CDH13: variants seen among roughly 807,000 people sequenced by gnomAD.
The protein encoded by CDH13 is cadherin-13.
A neutral mutation model predicts 63.8 loss-of-function variants in CDH13; 24 were observed. The ratio of observed to expected loss-of-function variants is 0.38; its 90% CI spans 0.27 to 0.53. The LOEUF is 0.53. Among genes scored for constraint, CDH13 ranks in the 20% least tolerant of loss-of-function variants. CDH13 has a pLI of 0.85. For missense variants in CDH13, 1,049 were observed against 903.1 expected (o/e 1.16, Z -2.07); for synonymous variants, 503 against 355.3 (o/e 1.42, Z -4.67).
intron 5 of CDH13, among the ~76,000 whole-genome samples, chr16:83,261,277 A>T (rs1376320499): frequency 6.6e-6 from 1 of 151,908 alleles, no homozygotes; most frequent in Non-Finnish European, 1.5e-5. Context: ...CTAAACACCA[A>T]CTCTGTGGAA....
In CDH13 at chr16:83,024,333, C is replaced by T. The variant is rs1488954178; in HGVS notation, c.158-7677C>T. Among the ~76,000 whole-genome samples the T allele has an allele frequency of 4.6e-5, 7 of 152,074 alleles. No homozygotes were observed. The East Asian group carries it at 7.7e-4, about 17-fold the overall frequency. ...TATTCAACAGGTATTATAAATACTA[C>T]ATTCAAATAATTTTATAATTTAAAG... On this transcript the variant is annotated intron_variant, in intron 2 of 13. Transcript: ENST00000567109.
intron 5 of CDH13, among the ~76,000 whole-genome samples, chr16:83,291,518 T>A (rs1360460066): frequency 6.6e-6 from 1 of 152,100 alleles, no homozygotes; most frequent in African/African-American, 2.4e-5. Flanking sequence ...ATATTAGAAG[T>A]CCTCAGAATA....
At chr16:83,106,340 C>G (rs905219960) in intron 3 of CDH13, among the ~76,000 whole-genome samples, 1 of 152,086 alleles carries the variant, frequency 6.6e-6, no homozygotes, top group African/African-American at 2.4e-5. Flanking sequence ...GAGTTCGAGA[C>G]GAGCCTGGCC....
chr16:83,607,408 G>C (rs1302996452), intron 8 of CDH13, among the ~76,000 whole-genome samples: 1 of 151,916 alleles, frequency 6.6e-6, no homozygotes, highest in Non-Finnish European at 1.5e-5. Context: ...GACAGAGCAA[G>C]ACTCGGTCTC....
chr16:82,885,440 C>CA (rs2040851930), intron 2 of CDH13, among the ~76,000 whole-genome samples: 1 of 92,038 alleles, frequency 1.1e-5, no homozygotes, highest in Non-Finnish European at 2.1e-5. Flanking sequence ...CCCACCCCCC[C>CA]ACCCACTCAT....
intron 5 of CDH13, among the ~76,000 whole-genome samples, chr16:83,324,040 C>CTTT (rs200015057): frequency 7.1e-6 from 1 of 141,354 alleles, no homozygotes. Flanking sequence ...TCTTCTTCTT[C>CTTT]TTTTTTTTTT....
intron 1 of CDH13, among the ~76,000 whole-genome samples, chr16:82,814,925 G>C (rs1417039088): frequency 3.3e-5 from 5 of 152,146 alleles, no homozygotes; most frequent in Non-Finnish European, 4.4e-5. Context: ...GTCCACTGAA[G>C]AATGGCTTGA....
At chr16:83,127,559 G>A (rs1449511863) in intron 4 of CDH13, among the ~76,000 whole-genome samples, 6 of 152,128 alleles carry the variant, frequency 3.9e-5, no homozygotes, top group East Asian at 3.9e-4. Context: ...GCGAAACCCC[G>A]TCTCAACTAA....
At chr16:82,648,700 G>A (rs868854795) in intron 1 of CDH13, among the ~76,000 whole-genome samples, 1 of 152,114 alleles carries the variant, frequency 6.6e-6, no homozygotes, top group South Asian at 2.1e-4. Flanking sequence ...TGGTTTACAA[G>A]TCTCCATTGA....
At chr16:82,991,918 A>G (rs1911705097) in intron 2 of CDH13, among the ~76,000 whole-genome samples, 1 of 152,142 alleles carries the variant, frequency 6.6e-6, no homozygotes, top group Non-Finnish European at 1.5e-5. Context: ...ATTTACCAGA[A>G]CTTTTTCCAT....
At chr16:83,141,278 C>T (rs769320180) in intron 4 of CDH13, among the ~76,000 whole-genome samples, 2 of 152,164 alleles carry the variant, frequency 1.3e-5, no homozygotes, top group African/African-American at 2.4e-5. Flanking sequence ...TACTCCCTCA[C>T]TCTGGTGCCC....
At chr16:83,201,339 G>A (rs1049244738) in intron 4 of CDH13, among the ~76,000 whole-genome samples, 2 of 151,770 alleles carry the variant, frequency 1.3e-5, no homozygotes, top group Non-Finnish European at 2.9e-5. Flanking sequence ...AAGTATGTCA[G>A]GTACTGAGGG....
intron 8 of CDH13, among the ~76,000 whole-genome samples, chr16:83,648,627 C>T (rs1031014840): frequency 2.0e-5 from 3 of 152,138 alleles, no homozygotes; most frequent in African/African-American, 7.2e-5. Flanking sequence ...TCTACTGACA[C>T]CGACCCCCTG....
chr16:82,672,161 G>A, intron 1 of CDH13, among the ~76,000 whole-genome samples: 1 of 152,122 alleles, frequency 6.6e-6, no homozygotes, highest in East Asian at 1.9e-4. Flanking sequence ...TTTGAGCAAG[G>A]TATACCTCTT....
chr16:83,620,575 G>T (rs1797169762), intron 8 of CDH13, among the ~76,000 whole-genome samples: 1 of 152,120 alleles, frequency 6.6e-6, no homozygotes, highest in South Asian at 2.1e-4. Context: ...ACCACAGGCA[G>T]CCAACATGAG....
chr16:83,512,582 C>A (rs1167620576), intron 7 of CDH13, among the ~76,000 whole-genome samples: 1 of 150,716 alleles, frequency 6.6e-6, no homozygotes, highest in Admixed American at 6.6e-5. Context: ...ACAGAAGAAT[C>A]ATTTGAACCC....
At chr16:82,729,617 T>C (rs1447822107) in intron 1 of CDH13, among the ~76,000 whole-genome samples, 1 of 152,112 alleles carries the variant, frequency 6.6e-6, no homozygotes, top group Non-Finnish European at 1.5e-5. Flanking sequence ...TTAGGATGAT[T>C]ATTTAGGGCC....
At chr16:82,835,630 C>T (rs961103534) in intron 1 of CDH13, among the ~76,000 whole-genome samples, 5 of 152,150 alleles carry the variant, frequency 3.3e-5, no homozygotes, top group African/African-American at 9.7e-5. Context: ...GTCCTATGCT[C>T]CCAGCTTATG....
chr16:82,957,330 G>A (rs756531329), intron 2 of CDH13, among the ~76,000 whole-genome samples: 1 of 152,184 alleles, frequency 6.6e-6, no homozygotes, highest in Non-Finnish European at 1.5e-5. Flanking sequence ...AAACTAATCC[G>A]AAGAAATAAG....
Sources: gnomAD v4.1 joint callset for allele counts (sites outside exome capture counted in the v4.1 genomes callset) on GRCh38, gnomAD v4.1.1 for gene constraint, MANE v1.5 for transcripts, NCBI Gene and HGNC (gene_info 2026-07-23, HGNC 2026-07-21) for gene names.